PDE8B: variants seen among roughly 807,000 people sequenced by gnomAD.
The protein encoded by PDE8B is phosphodiesterase 8B.
In PDE8B, 26 loss-of-function variants were observed where a neutral mutation model predicts 101.3. The observed-to-expected ratio is 0.26, with a 90% CI of 0.19 to 0.36. The LOEUF (loss-of-function observed/expected upper bound fraction) is 0.36, where lower values mean the gene tolerates loss of function less well. PDE8B is among the 10% of genes least tolerant of loss of function. PDE8B has a pLI of 1.00. For synonymous variants in PDE8B, 424 were observed against 429.3 expected (o/e 0.99, Z 0.15); for missense variants, 810 against 1,163.1 (o/e 0.70, Z 4.42).
intron 1 of PDE8B, among the ~76,000 whole-genome samples, chr5:77,284,048 T>C (rs182065741): frequency 2.0e-5 from 3 of 152,330 alleles, no homozygotes; most frequent in African/African-American, 7.2e-5. Flanking sequence ...TGGTATTTCA[T>C]TGTTGTTTTA....
At chr5:77,395,297 A>G (rs1380884018) in intron 10 of PDE8B, among the ~76,000 whole-genome samples, 10 of 150,910 alleles carry the variant, frequency 6.6e-5, no homozygotes, top group African/African-American at 2.4e-4. Flanking sequence ...TTGTATTTTT[A>G]GTAGAGAGGG....
At chr5:77,187,551 C>A in the PDE8B span, among the ~76,000 whole-genome samples, 1 of 151,960 alleles carries the variant, frequency 6.6e-6, no homozygotes, top group Non-Finnish European at 1.5e-5. Context: ...GTTTGATGGG[C>A]AGCATTCTTT....
At chr5:77,387,866 C>G (rs576573102) in intron 10 of PDE8B, among the ~76,000 whole-genome samples, 1 of 151,826 alleles carries the variant, frequency 6.6e-6, no homozygotes, top group Non-Finnish European at 1.5e-5. Context: ...TTGATCAATT[C>G]GGCTATTGAT....
intron 1 of PDE8B, among the ~76,000 whole-genome samples, chr5:77,263,684 C>T (rs905777721): frequency 6.6e-6 from 1 of 152,154 alleles, no homozygotes; most frequent in African/African-American, 2.4e-5. Context: ...CAACTGATGT[C>T]GGAGGACCTG....
At chr5:77,406,963 C>CT (rs1172307105) in intron 12 of PDE8B, among the ~76,000 whole-genome samples, 1 of 152,194 alleles carries the variant, frequency 6.6e-6, no homozygotes, top group Non-Finnish European at 1.5e-5. Context: ...ACTGCCTCCC[C>CT]TCTCAAGCTG....
chr5:77,198,847 T>C, the PDE8B span, among the ~76,000 whole-genome samples: 1 of 150,720 alleles, frequency 6.6e-6, no homozygotes, highest in East Asian at 1.9e-4. Context: ...CATTTTTTTT[T>C]CTCCATTCTT....
chr5:77,130,941 C>T, the PDE8B span: 4 of 152,194 alleles, frequency 2.6e-5, no homozygotes, highest in Non-Finnish European at 5.9e-5. Flanking sequence ...GACTTCCACC[C>T]AGGCAGAAAT....
At chr5:77,118,302 T>TTGA in the PDE8B span, 1 of 398,388 alleles carries the variant, frequency 2.5e-6, no homozygotes, top group African/African-American at 2.1e-5. Context: ...AGTTTTATTG[T>TTGA]TGTTGTTGTT....
At chr5:77,398,619 C>A (rs1791584164) in intron 10 of PDE8B, among the ~76,000 whole-genome samples, 1 of 152,216 alleles carries the variant, frequency 6.6e-6, no homozygotes, top group South Asian at 2.1e-4. Context: ...CGGCGCCCGA[C>A]CGGCTGTTTT....
intron 10 of PDE8B, among the ~76,000 whole-genome samples, chr5:77,385,711 G>A (rs1278849249): frequency 6.6e-6 from 1 of 150,480 alleles, no homozygotes; most frequent in Non-Finnish European, 1.5e-5. Flanking sequence ...CTTTACTTCT[G>A]CCTTCATTTC....
intron 1 of PDE8B, among the ~76,000 whole-genome samples, chr5:77,282,742 C>T (rs1030080668): frequency 6.6e-6 from 1 of 152,014 alleles, no homozygotes; most frequent in Non-Finnish European, 1.5e-5. Context: ...ATGTCCGGCA[C>T]GCTCAGGAAA....
chr5:77,350,511 C>G (rs1780893830), intron 8 of PDE8B, among the ~76,000 whole-genome samples: 2 of 152,096 alleles, frequency 1.3e-5, no homozygotes, highest in Non-Finnish European at 2.9e-5. Flanking sequence ...GGAACCAATA[C>G]TCTCCCCTTG....
At chr5:77,353,859 G>A (rs1280105411) in intron 10 of PDE8B, among the ~76,000 whole-genome samples, 2 of 152,110 alleles carry the variant, frequency 1.3e-5, no homozygotes, top group Non-Finnish European at 2.9e-5. Flanking sequence ...ATCATCTGCA[G>A]TAACAGAATT....
chr5:77,256,532 T>G (rs1759212571), intron 1 of PDE8B, among the ~76,000 whole-genome samples: 1 of 152,226 alleles, frequency 6.6e-6, no homozygotes, highest in Admixed American at 6.5e-5. Flanking sequence ...TGTTTCCAGT[T>G]TTTTAGTGCT....
chr5:77,167,881 C>T, the PDE8B span, among the ~76,000 whole-genome samples: 1 of 152,168 alleles, frequency 6.6e-6, no homozygotes, highest in East Asian at 1.9e-4. Flanking sequence ...GAAACACAGC[C>T]CCCACAGCAC....
chr5:77,339,387 C>T (rs145948252), intron 6 of PDE8B, among the ~76,000 whole-genome samples: 3 of 152,318 alleles, frequency 2.0e-5, no homozygotes, highest in East Asian at 1.9e-4. Flanking sequence ...GCACAAGTTT[C>T]AGCTGTTGCT....
At chr5:77,235,530 A>G (rs565398589) in intron 1 of PDE8B, among the ~76,000 whole-genome samples, 3 of 152,348 alleles carry the variant, frequency 2.0e-5, no homozygotes, top group East Asian at 3.9e-4. Context: ...CAACAAGTAA[A>G]TGTTGAGTGC....
At chr5:77,291,855 GAAGAAGACAAAGAAAATTA>G (rs1767429401) in intron 1 of PDE8B, 1 of 1,469,720 alleles carries the variant, frequency 6.8e-7, no homozygotes, top group Non-Finnish European at 9.5e-7. Flanking sequence ...AGCTGTTTTT[GAAGAAGACAAAGAAAATTA>G]AAGTTTTCCT....
At chr5:77,136,261 A>C in the PDE8B span, among the ~76,000 whole-genome samples, 2 of 151,816 alleles carry the variant, frequency 1.3e-5, no homozygotes, top group Non-Finnish European at 2.9e-5. Flanking sequence ...CCTTGTCTCT[A>C]CTTCCTCTAA....
Sources: allele counts gnomAD v4.1 joint callset (sites outside exome capture counted in the v4.1 genomes callset), GRCh38; gene constraint gnomAD v4.1.1; transcripts MANE v1.5; gene names NCBI Gene and HGNC (gene_info 2026-07-23, HGNC 2026-07-21).